Variants in XRCC4 observed in about 807,000 individuals in gnomAD.
The protein encoded by XRCC4 is X-ray repair cross complementing 4.
XRCC4 carries 28 observed loss-of-function variants against 39.1 expected under a neutral mutation model. The ratio of observed to expected loss-of-function variants is 0.72; its 90% CI spans 0.53 to 0.98. The LOEUF is 0.98. Ranked by LOEUF, XRCC4 falls within the 50% of genes least tolerant of loss-of-function variation. XRCC4 has a pLI of 0.00. For missense variants in XRCC4, 350 were observed against 376.4 expected (o/e 0.93, Z 0.58); for synonymous variants, 123 against 126.4 (o/e 0.97, Z 0.18).
chr5:83,130,176 A>G (rs1473844007), intron 3 of XRCC4, among the ~76,000 whole-genome samples: 5 of 145,844 alleles, frequency 3.4e-5, no homozygotes, highest in African/African-American at 1.3e-4. Flanking sequence ...TTTTAGCATG[A>G]AGAGCTGTTG....
At chr5:83,219,556 A>G (rs922758098) in intron 6 of XRCC4, among the ~76,000 whole-genome samples, 10 of 152,176 alleles carry the variant, frequency 6.6e-5, no homozygotes, top group Admixed American at 6.5e-4. Context: ...ACAGCATTCA[A>G]ACAGATAGCT....
intron 4 of XRCC4, among the ~76,000 whole-genome samples, chr5:83,202,749 G>A (rs1751261318): frequency 6.6e-6 from 1 of 151,990 alleles, no homozygotes; most frequent in Non-Finnish European, 1.5e-5. Flanking sequence ...CAATAAAATA[G>A]GAATGTATTC....
intron 7 of XRCC4, among the ~76,000 whole-genome samples, chr5:83,335,529 A>G (rs1008587938): frequency 6.6e-6 from 1 of 151,982 alleles, no homozygotes; most frequent in East Asian, 1.9e-4. Context: ...TAATCCTATA[A>G]ATCAGTACTT....
At chr5:83,078,554 G>A (rs191037524) in intron 1 of XRCC4, among the ~76,000 whole-genome samples, 30 of 152,286 alleles carry the variant, frequency 2.0e-4, no homozygotes, top group Admixed American at 1.7e-3. Flanking sequence ...TGTATTTAGG[G>A]CAACACAATG....
At chr5:83,316,194 A>G (rs1242102254) in intron 7 of XRCC4, among the ~76,000 whole-genome samples, 1 of 152,036 alleles carries the variant, frequency 6.6e-6, no homozygotes, top group Non-Finnish European at 1.5e-5. Flanking sequence ...TGTAGTCTGC[A>G]GTCTTACAGT....
chr5:83,365,547 T>TA, the XRCC4 span, among the ~76,000 whole-genome samples: 1 of 151,340 alleles, frequency 6.6e-6, no homozygotes, highest in African/African-American at 2.5e-5. Context: ...GTGAGACACA[T>TA]ACGGTTATAC....
Position 83,153,384 on chromosome 5 carries a change from T to C in XRCC4, c.315+42181T>C, listed in dbSNP as rs1260647271. Among the ~76,000 whole-genome samples the C allele has an allele frequency of 3.3e-5, 5 of 152,082 alleles. 1 individual carries two copies. The highest frequency in any genetic ancestry group is 7.4e-5 in the Non-Finnish European group (5 of 67,992). On this transcript the variant is annotated intron_variant, in intron 3 of 7. Transcript: ENST00000396027. ...CCACAATGCCCGGCTAATTTTTGTATTTTAGTAGATAGGGTTTCACCACGT... is the reference window on the plus strand; with the variant it reads ...CCACAATGCCCGGCTAATTTTTGTACTTTAGTAGATAGGGTTTCACCACGT...
the XRCC4 span, among the ~76,000 whole-genome samples, chr5:83,374,265 G>A: frequency 6.6e-6 from 1 of 152,122 alleles, no homozygotes; most frequent in African/African-American, 2.4e-5. Context: ...TCAAATCATG[G>A]GAGTGGTTTC....
At chr5:83,294,447 T>C in intron 7 of XRCC4, among the ~76,000 whole-genome samples, 1 of 152,074 alleles carries the variant, frequency 6.6e-6, no homozygotes, top group South Asian at 2.1e-4. Context: ...CTCTGAAAAG[T>C]CATGTGCTCC....
intron 3 of XRCC4, among the ~76,000 whole-genome samples, chr5:83,191,024 A>G (rs1750669955): frequency 6.6e-6 from 1 of 152,194 alleles, no homozygotes; most frequent in African/African-American, 2.4e-5. Context: ...TAAATAAATA[A>G]TCAAAATTTT....
intron 3 of XRCC4, among the ~76,000 whole-genome samples, chr5:83,165,736 A>G (rs1210223846): frequency 2.6e-5 from 4 of 151,882 alleles, no homozygotes; most frequent in African/African-American, 9.7e-5. Flanking sequence ...AATGCACAGT[A>G]TTTGGTTTTC....
At chr5:83,140,282 G>T (rs1307868563) in intron 3 of XRCC4, among the ~76,000 whole-genome samples, 1 of 152,136 alleles carries the variant, frequency 6.6e-6, no homozygotes, top group Non-Finnish European at 1.5e-5. Context: ...ATAGTCTGTG[G>T]CCAAAGGCCA....
chr5:83,328,124 C>G (rs111535997), intron 7 of XRCC4, among the ~76,000 whole-genome samples: 3,090 of 152,004 alleles, frequency 0.02, 107 homozygotes, highest in African/African-American at 0.07. Context: ...ATGGCAGCAG[C>G]AAGAGAAAAT....
chr5:83,105,730 GA>G, intron 2 of XRCC4, among the ~76,000 whole-genome samples: 1 of 152,110 alleles, frequency 6.6e-6, no homozygotes, highest in African/African-American at 2.4e-5. Flanking sequence ...GTATCTTATT[GA>G]AAGATTTAAA....
At chr5:83,199,676 G>A (rs1033340779) in intron 4 of XRCC4, among the ~76,000 whole-genome samples, 8 of 151,614 alleles carry the variant, frequency 5.3e-5, no homozygotes, top group African/African-American at 1.9e-4. Context: ...TTATTGTTTT[G>A]ACATGTTATT....
chr5:83,128,736 A>AT (rs1294894815), intron 3 of XRCC4, among the ~76,000 whole-genome samples: 11 of 152,058 alleles, frequency 7.2e-5, no homozygotes, highest in Admixed American at 2.6e-4. Context: ...GATGATGAGC[A>AT]TTTTTTCATG....
intron 7 of XRCC4, among the ~76,000 whole-genome samples, chr5:83,341,218 T>C (rs79852366): frequency 0.021 from 3,173 of 151,312 alleles, 95 homozygotes; most frequent in African/African-American, 0.071. Context: ...ACAACAACAG[T>C]TTAAGAGAAT....
intron 3 of XRCC4, among the ~76,000 whole-genome samples, chr5:83,184,569 GT>G (rs1178219317): frequency 6.6e-6 from 1 of 151,920 alleles, no homozygotes; most frequent in Non-Finnish European, 1.5e-5. Context: ...GGGAAAACTG[GT>G]TTAAATTGAG....
chr5:83,211,424 T>G (rs1297134353), intron 6 of XRCC4, among the ~76,000 whole-genome samples: 2 of 152,182 alleles, frequency 1.3e-5, no homozygotes, highest in African/African-American at 4.8e-5. Context: ...GGCCAATGGA[T>G]CTACTAACCT....
Sources: gnomAD v4.1 joint callset for allele counts (sites outside exome capture counted in the v4.1 genomes callset) on GRCh38, gnomAD v4.1.1 for gene constraint, MANE v1.5 for transcripts, NCBI Gene and HGNC (gene_info 2026-07-23, HGNC 2026-07-21) for gene names.